The following PPFIBP1 variants were observed in gnomAD, a reference collection of about 807,000 sequenced individuals.
PPFIBP1 encodes the protein liprin-beta-1.
Under a neutral mutation model 137.8 loss-of-function variants are expected in PPFIBP1, and 112 were observed. That is an observed-to-expected ratio of 0.81 (90% CI 0.70 to 0.95). The LOEUF (loss-of-function observed/expected upper bound fraction) is 0.95, where lower values mean the gene tolerates loss of function less well. Among genes scored for constraint, PPFIBP1 ranks in the 40% least tolerant of loss-of-function variants. PPFIBP1 has a pLI of 0.00. For missense variants in PPFIBP1, 1,083 were observed against 1,196.6 expected (o/e 0.91, Z 1.40); for synonymous variants, 378 against 417.3 (o/e 0.91, Z 1.15).
intron 1 of PPFIBP1, among the ~76,000 whole-genome samples, chr12:27,551,304 A>G (rs1475075784): frequency 6.6e-6 from 1 of 152,186 alleles, no homozygotes; most frequent in Non-Finnish European, 1.5e-5. Context: ...CTGAGAAGGC[A>G]GTGTCCATCT....
At chr12:27,685,133 T>G (rs988333579) in intron 24 of PPFIBP1, among the ~76,000 whole-genome samples, 1 of 152,020 alleles carries the variant, frequency 6.6e-6, no homozygotes, top group South Asian at 2.1e-4. Flanking sequence ...TTGAATTTGT[T>G]CACATATATA....
At chr12:27,547,898 TG>T (rs1267122869) in intron 1 of PPFIBP1, 1 of 152,168 alleles carries the variant, frequency 6.6e-6, no homozygotes, top group Non-Finnish European at 1.5e-5. Flanking sequence ...GACGTCTGGG[TG>T]GAGCAATATA....
intron 1 of PPFIBP1, among the ~76,000 whole-genome samples, chr12:27,524,962 C>A (rs1943558346): frequency 6.6e-6 from 1 of 152,110 alleles, no homozygotes; most frequent in South Asian, 2.1e-4. Context: ...AAAACTGCAA[C>A]TAGTATTCAC....
At chr12:27,552,356 C>T (rs2136218579) in intron 1 of PPFIBP1, among the ~76,000 whole-genome samples, 1 of 152,276 alleles carries the variant, frequency 6.6e-6, no homozygotes, top group South Asian at 2.1e-4. Flanking sequence ...CTTTTGGCTG[C>T]AGTAATCCCA....
intron 1 of PPFIBP1, among the ~76,000 whole-genome samples, chr12:27,565,195 G>A (rs930290022): frequency 6.6e-6 from 1 of 152,118 alleles, no homozygotes; most frequent in African/African-American, 2.4e-5. Flanking sequence ...ATGTCAACAG[G>A]GGCCATCGAA....
At chr12:27,608,878 A>G (rs552553947) in intron 2 of PPFIBP1, 1 of 196,406 alleles carries the variant, frequency 5.1e-6, no homozygotes, top group African/African-American at 2.4e-5. Flanking sequence ...TTCTGCTTTC[A>G]TTTGTTTTTT....
intron 4 of PPFIBP1, among the ~76,000 whole-genome samples, chr12:27,641,946 A>AAAATAAATAAATAAATAAATAAATAAAT (rs55663709): frequency 1.4e-5 from 2 of 147,796 alleles, no homozygotes; most frequent in African/African-American, 5.0e-5. Flanking sequence ...TGCAACTGCA[A>AAAATAAATAAATAAATAAATAAATAAAT]AAATAAATAA....
At chr12:27,538,231 G>A (rs1945267468) in intron 1 of PPFIBP1, 2 of 152,276 alleles carry the variant, frequency 1.3e-5, no homozygotes, top group Middle Eastern at 3.4e-3. Context: ...CTTAAAAGCA[G>A]TTCATCAGGA....
At chr12:27,608,349 A>C (rs1175424222) in intron 2 of PPFIBP1, among the ~76,000 whole-genome samples, 1 of 152,202 alleles carries the variant, frequency 6.6e-6, no homozygotes, top group Admixed American at 6.5e-5. Flanking sequence ...GAAAATAGAA[A>C]TAATCACAAA....
At chr12:27,647,643 CT>C in intron 5 of PPFIBP1, 85 bp from the exon 6 acceptor site, 1 of 760,588 alleles carries the variant, frequency 1.3e-6, no homozygotes, top group Non-Finnish European at 2.0e-6. Flanking sequence ...AGGATCATTC[CT>C]TTTTTTGTTC....
intron 14 of PPFIBP1, among the ~76,000 whole-genome samples, chr12:27,672,096 G>A (rs1210705425): frequency 1.3e-5 from 2 of 151,998 alleles, no homozygotes; most frequent in African/African-American, 2.4e-5. Flanking sequence ...AAAGTTTAGG[G>A]AACTTGGATT....
At chr12:27,646,776 C>G (rs1464008645) in intron 5 of PPFIBP1, among the ~76,000 whole-genome samples, 16 of 152,102 alleles carry the variant, frequency 1.1e-4, no homozygotes, top group Admixed American at 1.0e-3. Flanking sequence ...AAATGCTTCA[C>G]AAACATTTTT....
intron 2 of PPFIBP1, among the ~76,000 whole-genome samples, chr12:27,616,750 T>G (rs2055805949): frequency 6.6e-6 from 1 of 152,210 alleles, no homozygotes; most frequent in Non-Finnish European, 1.5e-5. Flanking sequence ...GACAAGCAAG[T>G]CTACAAAGGA....
chr12:27,544,650 A>G (rs1001214712), intron 1 of PPFIBP1, among the ~76,000 whole-genome samples: 1 of 152,242 alleles, frequency 6.6e-6, no homozygotes, highest in African/African-American at 2.4e-5. Flanking sequence ...AAAGCTCATC[A>G]TCACTGATCA....
rs2059365493 is a variant in PPFIBP1 at position 27,658,730 on chromosome 12, A to T, written c.812-86A>T. On this transcript the variant is annotated intron_variant, in intron 9 of 29. Transcript: ENST00000228425. ...GTTAGATTTCCGTTATTTTAGGTAA[A>T]AAGAGACTAAATAGTAGTGATTTAA... The T allele has an allele frequency of 2.1e-6, 3 of 1,404,504 alleles. 1 individual carries two copies. 87.0% of individuals were successfully genotyped at this position (1,404,504 alleles called of 1,614,324 possible). A position where few individuals can be genotyped will look rare whatever the true frequency, so the allele number is the denominator to read the frequency against.
chr12:27,679,607 G>A lies in PPFIBP1; in HGVS notation c.1734G>A (p.Lys578=), dbSNP rs1007000879. The change falls in exon 20 of 30, where the codon AAG becomes AAA. Residue 578 remains lysine, a synonymous_variant. Coordinates refer to ENST00000228425, the MANE Select transcript of PPFIBP1 (RefSeq NM_003622.4). The part of the protein sequence containing the change: ...QIPPPSPDSK[K]KSRGIMKLFG... ...CGCCTCCATCTCCAGATTCCAAAAA[G>A]AAATCCAGAGGTATCATGAAACTCT... 6.2e-6 allele frequency: 10 copies of A among 1,613,786 alleles called. No individual in the cohort carries two copies. Among genetic ancestry groups the A allele is most frequent in the Non-Finnish European group, 8.5e-6 (10 of 1,179,878 alleles).
chr12:27,604,385 G>A (rs1443635845), intron 2 of PPFIBP1, among the ~76,000 whole-genome samples: 1 of 152,150 alleles, frequency 6.6e-6, no homozygotes, highest in East Asian at 1.9e-4. Context: ...ACCGCAACAG[G>A]TGAGCCTGGA....
At chr12:27,545,164 A>G (rs1307698409) in intron 1 of PPFIBP1, among the ~76,000 whole-genome samples, 1 of 151,982 alleles carries the variant, frequency 6.6e-6, no homozygotes, top group Non-Finnish European at 1.5e-5. Context: ...GTTCTCACTC[A>G]TAAGTGGAAG....
intron 2 of PPFIBP1, chr12:27,593,898 C>T (rs1396609052): frequency 1.3e-6 from 2 of 1,492,168 alleles, no homozygotes; most frequent in Non-Finnish European, 1.8e-6. Context: ...ATGGAAGGAC[C>T]CTTGGAAGGT....
Sources: allele counts gnomAD v4.1 joint callset (sites outside exome capture counted in the v4.1 genomes callset), GRCh38; gene constraint gnomAD v4.1.1; transcripts MANE v1.5; gene names NCBI Gene and HGNC (gene_info 2026-07-23, HGNC 2026-07-21).